PDE1C: variants seen among roughly 807,000 people sequenced by gnomAD.
The protein encoded by PDE1C is dual specificity calcium/calmodulin-dependent 3',5'-cyclic nucleotide phosphodiesterase 1C.
In PDE1C, 62 loss-of-function variants were observed where a neutral mutation model predicts 93.1. The observed-to-expected ratio is 0.67, with a 90% confidence interval of 0.54 to 0.82. The LOEUF (loss-of-function observed/expected upper bound fraction) is 0.82, where lower values mean the gene tolerates loss of function less well. Ranked by LOEUF, PDE1C falls within the 40% of genes least tolerant of loss-of-function variation. PDE1C has a pLI of 0.00. For missense variants in PDE1C, 742 were observed against 884.6 expected, an observed-to-expected ratio of 0.84 and a Z score of 2.04; for synonymous variants, 325 against 310.1, an observed-to-expected ratio of 1.05 and a Z score of -0.50.
intron 2 of PDE1C, chr7:31,893,444 T>C (rs886169509): frequency 4.1e-6 from 4 of 975,442 alleles, no homozygotes; most frequent in Non-Finnish European, 4.9e-6. Context: ...CTATATTTAA[T>C]AGAAAAAGAA....
At chr7:31,965,647 A>T (rs1267808823) in intron 2 of PDE1C, among the ~76,000 whole-genome samples, 1 of 152,168 alleles carries the variant, frequency 6.6e-6, no homozygotes, top group Admixed American at 6.5e-5. Flanking sequence ...ATTCCAAGAC[A>T]CATAATTGTC....
intron 1 of PDE1C, among the ~76,000 whole-genome samples, chr7:32,374,563 G>A (rs1367872716): frequency 1.3e-5 from 2 of 152,198 alleles, no homozygotes; most frequent in Non-Finnish European, 2.9e-5. Context: ...GAGTGAAAGA[G>A]CCACCACATG....
chr7:31,974,725 G>A (rs982313054), intron 2 of PDE1C, among the ~76,000 whole-genome samples: 3 of 152,074 alleles, frequency 2.0e-5, no homozygotes, highest in African/African-American at 7.2e-5. Context: ...GTAAAACTAA[G>A]GCCTTAAAAA....
At chr7:32,361,469 G>A (rs1417754691) in intron 1 of PDE1C, among the ~76,000 whole-genome samples, 1 of 152,198 alleles carries the variant, frequency 6.6e-6, no homozygotes, top group Non-Finnish European at 1.5e-5. Context: ...CATTTGCTAG[G>A]TGGCTGAATT....
the PDE1C span, among the ~76,000 whole-genome samples, chr7:31,620,074 C>G: frequency 1.3e-5 from 2 of 152,318 alleles, no homozygotes; most frequent in South Asian, 4.1e-4. Flanking sequence ...CGCCATTACC[C>G]AGGCTTGATT....
intron 1 of PDE1C, among the ~76,000 whole-genome samples, chr7:32,357,822 AG>A (rs1784061281): frequency 6.6e-6 from 1 of 152,190 alleles, no homozygotes; most frequent in African/African-American, 2.4e-5. Flanking sequence ...GGTAGACATC[AG>A]CTGGCATTTT....
rs1348659217 is a variant in PDE1C at position 32,112,870 on chromosome 7, A to ATC, written c.308+56914_308+56915insGA. Among the ~76,000 whole-genome samples the ATC allele has an allele frequency of 6.4e-4, 91 of 141,478 alleles. 2 individuals carry two copies. Among genetic ancestry groups the ATC allele is most frequent in the African/African-American group, 2.2e-3 (83 of 36,976 alleles). 92.8% of individuals were successfully genotyped at this position (141,478 alleles called of 152,430 possible). A position where few individuals can be genotyped will look rare whatever the true frequency, so the allele number is the denominator to read the frequency against. On this transcript the variant is annotated intron_variant, in intron 3 of 18. Transcript: ENST00000396193. Reference sequence around the variant, plus strand: ...TGTATATATATATATATATATATATATATCTCAAACTCCTGCCTGCTTCTT... The same window carrying ATC: ...TGTATATATATATATATATATATATATCTATCTCAAACTCCTGCCTGCTTCTT...
chr7:31,810,063 G>A (rs1282867019), intron 15 of PDE1C, among the ~76,000 whole-genome samples: 2 of 152,092 alleles, frequency 1.3e-5, no homozygotes, highest in African/African-American at 4.8e-5. Context: ...CAAAGAGACA[G>A]GCAAAGCCAG....
intron 9 of PDE1C, among the ~76,000 whole-genome samples, chr7:31,846,984 T>A (rs1171374770): frequency 6.6e-6 from 1 of 152,174 alleles, no homozygotes; most frequent in African/African-American, 2.4e-5. Flanking sequence ...TGAAAGATGG[T>A]GAGCACACAA....
chr7:32,250,349 A>G (rs77288055), intron 1 of PDE1C, among the ~76,000 whole-genome samples: 25,086 of 152,192 alleles, frequency 0.16, 2,260 homozygotes, highest in East Asian at 0.3. Flanking sequence ...GTCTGACTCA[A>G]AAACATGGGC....
chr7:31,703,659 G>A, the PDE1C span, among the ~76,000 whole-genome samples: 10 of 152,356 alleles, frequency 6.6e-5, no homozygotes, highest in East Asian at 1.9e-3. Flanking sequence ...TAAGGATAGA[G>A]CCTTCGGCAG....
At position 31,985,530 on chromosome 7, in the gene PDE1C, G is replaced by A. The variant is rs138852720; in HGVS notation, c.128+66024C>T. Among the ~76,000 whole-genome samples the A allele has an allele frequency of 9.2e-3, 1,393 of 152,060 alleles. 26 individuals are homozygous for A. The highest frequency in any genetic ancestry group is 0.032 in the African/African-American group (1,328 of 41,442). ...GTTGGTTTCCTGCACCCATCAACTC[G>A]TCATTTACATTAGGTATTTCTCCTA... On this transcript the variant is annotated intron_variant, in intron 2 of 17. Coordinates refer to ENST00000396191, the MANE Select transcript of PDE1C (RefSeq NM_001191057.4).
Position 31,847,979 on chromosome 7 carries a change from C to G in PDE1C, c.969G>C (p.Lys323Asn), listed in dbSNP as rs758319763. 6.2e-7 allele frequency: 1 copy of G among 1,612,704 alleles called. No individual in the cohort carries two copies. The highest frequency in any genetic ancestry group is 8.5e-7 in the Non-Finnish European group (1 of 1,179,400). ...TTTCTCATCCTTACCTCCAGTCATC[C>G]TTTGAGAGGTTAATCAAAATATTCA... Reference protein sequence around the residue: ...EEMNILINLSKDDWREFRTLV... With the variant: ...EEMNILINLSNDDWREFRTLV... The change falls in exon 9 of 18, where the codon AAG becomes AAC. Residue 323 changes from lysine to asparagine, a missense_variant. Physicochemically the swap from Lys to Asn is moderately conservative, Grantham distance 94 (BLOSUM62 0). Around this residue, in one of 4 missense-constraint regions of PDE1C, gnomAD observed 205 missense variants for 295.3 expected, o/e 0.69. Coordinates refer to ENST00000396191, the MANE Select transcript of PDE1C (RefSeq NM_001191057.4).
intron 2 of PDE1C, among the ~76,000 whole-genome samples, chr7:31,917,477 C>T (rs1164599170): frequency 2.6e-5 from 4 of 152,114 alleles, no homozygotes; most frequent in African/African-American, 7.2e-5. Flanking sequence ...CTGCCAAAAC[C>T]AAGCCTTTCT....
At chr7:32,291,608 A>G (rs1812329927) in intron 1 of PDE1C, among the ~76,000 whole-genome samples, 1 of 152,214 alleles carries the variant, frequency 6.6e-6, no homozygotes, top group South Asian at 2.1e-4. Flanking sequence ...AAAACTGTAC[A>G]ATGCTGTATA....
chr7:31,920,871 C>T (rs988579671), intron 2 of PDE1C, among the ~76,000 whole-genome samples: 1 of 152,172 alleles, frequency 6.6e-6, no homozygotes, highest in Non-Finnish European at 1.5e-5. Flanking sequence ...CCAGAAAACT[C>T]GTAGTCAAGT....
rs1791662265 is a variant in PDE1C at position 31,840,079 on chromosome 7, G to T, written c.981-2108C>A. Among the ~76,000 whole-genome samples the T allele has an allele frequency of 3.3e-5, 5 of 152,158 alleles. No individual in the cohort carries two copies. In the South Asian group the frequency reaches 8.3e-4, roughly 25 times the overall value. ...GAAACTGCCAAATATTTGTGAAAGT[G>T]GTTGTATCACTTTACATTTGACCAC... On this transcript the variant is annotated intron_variant, in intron 9 of 17. Coordinates refer to ENST00000396191, the MANE Select transcript of PDE1C (RefSeq NM_001191057.4).
intron 6 of PDE1C, among the ~76,000 whole-genome samples, chr7:31,866,966 C>A (rs1233647210): frequency 1.3e-5 from 2 of 152,030 alleles, no homozygotes; most frequent in African/African-American, 4.8e-5. Context: ...ATGCTGGGTC[C>A]CACACATCCC....
At chr7:31,720,865 G>A in the PDE1C span, among the ~76,000 whole-genome samples, 2 of 152,142 alleles carry the variant, frequency 1.3e-5, no homozygotes, top group Non-Finnish European at 2.9e-5. Context: ...CTCAGATGCC[G>A]TGGAGTTACG....
Sources: allele counts gnomAD v4.1 joint callset (sites outside exome capture counted in the v4.1 genomes callset), GRCh38; gene constraint gnomAD v4.1.1; regional missense constraint gnomAD v4.1.1; transcripts MANE v1.5; gene names NCBI Gene and HGNC (gene_info 2026-07-23, HGNC 2026-07-21).